The following SLC24A3 variants were observed in gnomAD, a reference collection of about 807,000 sequenced individuals.
The protein encoded by SLC24A3 is solute carrier family 24 member 3.
A neutral mutation model predicts 75.8 loss-of-function variants in SLC24A3; 28 were observed. The ratio of observed to expected loss-of-function variants is 0.37; its 90% CI spans 0.27 to 0.51. The LOEUF is 0.51. Among genes scored for constraint, SLC24A3 ranks in the 20% least tolerant of loss-of-function variants. SLC24A3 has a pLI of 0.94. For missense variants in SLC24A3, 663 were observed against 847.8 expected (o/e 0.78, Z 2.71); for synonymous variants, 372 against 334.1 (o/e 1.11, Z -1.24).
chr20:19,548,234 T>G (rs1199743476), intron 3 of SLC24A3, among the ~76,000 whole-genome samples: 2 of 152,226 alleles, frequency 1.3e-5, no homozygotes, highest in Non-Finnish European at 2.9e-5. Context: ...GGATGACCCC[T>G]CTGCTTACAA....
chr20:19,302,317 A>G (rs73284656), intron 2 of SLC24A3, among the ~76,000 whole-genome samples: 3,192 of 152,368 alleles, frequency 0.021, 44 homozygotes, highest in African/African-American at 0.034. Context: ...TGGTAATGGC[A>G]TTAAATCTTA....
intron 15 of SLC24A3, 56 bp downstream of exon 15, chr20:19,698,736 T>A: frequency 7.4e-7 from 1 of 1,358,120 alleles, no homozygotes; most frequent in Non-Finnish European, 1.0e-6. Context: ...GACTGTGTTT[T>A]AACAGCCTTG....
Position 19,576,612 on chromosome 20 carries a change from G to A in SLC24A3, c.349-3388G>A, listed in dbSNP as rs928989962. On this transcript the variant is annotated intron_variant, in intron 3 of 16. Transcript: ENST00000328041. ...CCCCGCCTCATGCTGCCCAGCTCAC[G>A]AGAACTAACACAGCTTTTGATAGTC... 3.3e-5 allele frequency among the ~76,000 whole-genome samples: 5 copies of A among 152,248 alleles called. No homozygotes were observed. The East Asian group carries it at 5.8e-4, about 18-fold the overall frequency.
At chr20:19,494,659 C>G (rs1165753010) in intron 2 of SLC24A3, among the ~76,000 whole-genome samples, 1 of 152,072 alleles carries the variant, frequency 6.6e-6, no homozygotes, top group Admixed American at 6.6e-5. Flanking sequence ...GGTGCACAGC[C>G]TGGACTAGGG....
intron 2 of SLC24A3, among the ~76,000 whole-genome samples, chr20:19,337,466 A>T (rs202232371): frequency 0.013 from 1,792 of 140,184 alleles, 35 homozygotes; most frequent in East Asian, 0.085. Context: ...ATAAATAAAT[A>T]AATAAATTAA....
At chr20:19,324,108 A>G (rs1433520558) in intron 2 of SLC24A3, among the ~76,000 whole-genome samples, 2 of 152,282 alleles carry the variant, frequency 1.3e-5, no homozygotes, top group Middle Eastern at 3.4e-3. Flanking sequence ...TGCTGCCATG[A>G]TGTGGCCTAG....
chr20:19,320,290 T>C (rs1984679408), intron 2 of SLC24A3, among the ~76,000 whole-genome samples: 2 of 152,176 alleles, frequency 1.3e-5, no homozygotes, highest in Non-Finnish European at 2.9e-5. Context: ...ATCATAAAGG[T>C]CGAGTTATGA....
intron 2 of SLC24A3, among the ~76,000 whole-genome samples, chr20:19,482,882 G>A (rs73275238): frequency 0.026 from 3,887 of 152,284 alleles, 177 homozygotes; most frequent in African/African-American, 0.087. Context: ...ACCTGTGTGT[G>A]CTGAATTCAA....
chr20:19,437,437 C>T (rs537860862), intron 2 of SLC24A3, among the ~76,000 whole-genome samples: 5 of 152,308 alleles, frequency 3.3e-5, no homozygotes, highest in East Asian at 1.9e-4. Flanking sequence ...CCCAGCCATG[C>T]GGAACTGTGA....
chr20:19,687,947 C>G (rs1373456585), intron 12 of SLC24A3, among the ~76,000 whole-genome samples: 3 of 152,184 alleles, frequency 2.0e-5, no homozygotes, highest in Non-Finnish European at 4.4e-5. Context: ...TCACCCCCAA[C>G]AGATGCTTCA....
At chr20:19,606,927 C>G (rs1027381371) in intron 6 of SLC24A3, among the ~76,000 whole-genome samples, 11 of 152,200 alleles carry the variant, frequency 7.2e-5, no homozygotes, top group African/African-American at 2.7e-4. Flanking sequence ...AGCCATGCCT[C>G]ACACTTGGTA....
chr20:19,484,682 G>A (rs761407046), intron 2 of SLC24A3, among the ~76,000 whole-genome samples: 4 of 152,124 alleles, frequency 2.6e-5, no homozygotes, highest in Admixed American at 6.5e-5. Flanking sequence ...GTCAGGGTCC[G>A]GGGGGAGGCA....
intron 1 of SLC24A3, among the ~76,000 whole-genome samples, chr20:19,241,455 G>A (rs1982325377): frequency 6.6e-6 from 1 of 152,156 alleles, no homozygotes; most frequent in Non-Finnish European, 1.5e-5. Context: ...CCGTTTTCAG[G>A]CCACTCGGTT....
intron 2 of SLC24A3, among the ~76,000 whole-genome samples, chr20:19,471,833 GCCAATTTGTCTCCCTATAT>G (rs1179977585): frequency 1.3e-5 from 2 of 152,142 alleles, no homozygotes; most frequent in East Asian, 3.8e-4. Context: ...AATGGAGGCA[GCCAATTTGTCTCCCTATAT>G]CCAAATTTCA....
At chr20:19,436,782 G>A (rs1384517359) in intron 2 of SLC24A3, among the ~76,000 whole-genome samples, 1 of 152,174 alleles carries the variant, frequency 6.6e-6, no homozygotes, top group African/African-American at 2.4e-5. Context: ...ATTGGTTACA[G>A]CTGGCACCTG....
chr20:19,353,372 TA>T (rs1985614879), intron 2 of SLC24A3, among the ~76,000 whole-genome samples: 1 of 152,154 alleles, frequency 6.6e-6, no homozygotes, highest in South Asian at 2.1e-4. Flanking sequence ...AGAGACAGTT[TA>T]ATCATAGCTA....
intron 6 of SLC24A3, among the ~76,000 whole-genome samples, chr20:19,591,756 C>T (rs1490573556): frequency 6.6e-6 from 1 of 152,194 alleles, no homozygotes; most frequent in African/African-American, 2.4e-5. Flanking sequence ...TCCCTTCCCT[C>T]CAGAGCTAAG....
chr20:19,592,660 T>A (rs993287847), intron 6 of SLC24A3, among the ~76,000 whole-genome samples: 2 of 152,204 alleles, frequency 1.3e-5, no homozygotes, highest in Non-Finnish European at 2.9e-5. Flanking sequence ...AGTTTTCACA[T>A]GCTCCTTCAA....
In SLC24A3 at chr20:19,523,879, A is replaced by G. The variant is rs532794547; in HGVS notation, c.348+8315A>G. Among the ~76,000 whole-genome samples the G allele has an allele frequency of 8.5e-5, 13 of 152,130 alleles. No homozygotes were observed. In the South Asian group the frequency reaches 2.5e-3, roughly 29 times the overall value. On this transcript the variant is annotated intron_variant, in intron 3 of 16. Transcript: ENST00000328041. ...TCTTGCTACCTGTGCATGCCCACCC[A>G]ACTTTAAAGTTCCAGCCCCTGCAAC...
Sources: gnomAD v4.1 joint callset for allele counts (sites outside exome capture counted in the v4.1 genomes callset) on GRCh38, gnomAD v4.1.1 for gene constraint, MANE v1.5 for transcripts, NCBI Gene and HGNC (gene_info 2026-07-23, HGNC 2026-07-21) for gene names.